NBEAL1: variants seen among roughly 807,000 people sequenced by gnomAD.
NBEAL1 encodes the protein neurobeachin like 1, also known as neurobeachin-like protein 1.
A neutral mutation model predicts 351.3 loss-of-function variants in NBEAL1; 273 were observed. That is an observed-to-expected ratio of 0.78 (90% CI 0.70 to 0.86). NBEAL1 has a LOEUF of 0.86. Ranked by LOEUF, NBEAL1 falls within the 40% of genes least tolerant of loss-of-function variation. NBEAL1 has a pLI of 0.00. For missense variants in NBEAL1, 2,961 were observed against 3,201.3 expected, an observed-to-expected ratio of 0.92 and a Z score of 1.81; for synonymous variants, 1,050 against 1,086.4, an observed-to-expected ratio of 0.97 and a Z score of 0.66.
chr2:203,032,632 C>T (rs2060968101), intron 2 of NBEAL1, among the ~76,000 whole-genome samples: 1 of 147,998 alleles, frequency 6.8e-6, no homozygotes, highest in African/African-American at 2.5e-5. Flanking sequence ...AGAACAAAAA[C>T]CCAAAGAAAG....
At chr2:203,109,918 T>C (rs573385099) in intron 14 of NBEAL1, among the ~76,000 whole-genome samples, 1 of 152,338 alleles carries the variant, frequency 6.6e-6, no homozygotes, top group South Asian at 2.1e-4. Flanking sequence ...TTTTTACTTT[T>C]ACTAGTGGAA....
At chr2:203,116,129 C>G (rs2062691840) in intron 18 of NBEAL1, 59 bp downstream of exon 18, 1 of 1,108,468 alleles carries the variant, frequency 9.0e-7, no homozygotes, top group Non-Finnish European at 1.3e-6. Context: ...ACTGCAGTTC[C>G]TTTTCTATTC....
At position 203,126,561 on chromosome 2, in the gene NBEAL1, C is replaced by A; in HGVS notation, c.2990C>A (p.Pro997Gln). Residue 997 changes from proline (P) to glutamine (Q), a missense_variant, in exon 22 of 56, where the codon CCA becomes CAA. Physicochemically the swap from Pro to Gln is moderately conservative, Grantham distance 76. Coordinates refer to ENST00000683969, the MANE Select transcript of NBEAL1 (RefSeq NM_001378026.1). The part of the protein sequence containing the change: ...ATLGALLQKV[P>Q]STLMDVNVLM... ...CCCTCTTCTGTTTGGTTTCAGGTGC[C>A]AAGCACCTTGATGGATGTTAATGTG... 1 of 1,452,608 alleles carries A rather than the reference C, an allele frequency of 6.9e-7. No individual in the cohort carries two copies. The highest frequency in any genetic ancestry group is 9.1e-7 in the Non-Finnish European group (1 of 1,103,426). The allele number at this position is 1,452,608 out of a possible 1,614,324, so 90.0% of individuals were successfully genotyped here. A position where few individuals can be genotyped will look rare whatever the true frequency, so the allele number is the denominator to read the frequency against.
rs949102365 is a variant in NBEAL1 at position 203,220,492 on chromosome 2, A to C, written c.*3138A>C. Among the ~76,000 whole-genome samples the C allele has an allele frequency of 1.3e-5, 2 of 152,188 alleles. No individual in the cohort carries two copies. ...GGGCAAGACTCCATCTCAAAAAAAA[A>C]AAAAGTCTGTTATCTTTGCAAAACT... On this transcript the variant is annotated 3_prime_UTR_variant, in exon 56 of 56. Coordinates refer to ENST00000683969, the MANE Select transcript of NBEAL1 (RefSeq NM_001378026.1).
At chr2:203,147,900 T>C (rs1346124190) in intron 33 of NBEAL1, among the ~76,000 whole-genome samples, 1 of 152,060 alleles carries the variant, frequency 6.6e-6, no homozygotes, top group Non-Finnish European at 1.5e-5. Context: ...CAGTTTGTAT[T>C]CTCATCAACA....
At chr2:203,036,579 G>A (rs1273607981) in intron 2 of NBEAL1, among the ~76,000 whole-genome samples, 1 of 149,080 alleles carries the variant, frequency 6.7e-6, no homozygotes, top group African/African-American at 2.4e-5. Flanking sequence ...CTTCTTCATT[G>A]GATAGTTGTA....
intron 24 of NBEAL1, among the ~76,000 whole-genome samples, chr2:203,128,148 G>A (rs1232057716): frequency 8.7e-5 from 13 of 150,056 alleles, no homozygotes; most frequent in East Asian, 2.0e-4. Context: ...GCAGTGGCAC[G>A]ATCTCGACTC....
intron 12 of NBEAL1, among the ~76,000 whole-genome samples, chr2:203,102,985 A>C (rs2062358687): frequency 6.6e-6 from 1 of 151,414 alleles, no homozygotes; most frequent in Non-Finnish European, 1.5e-5. Context: ...CAAATTTGGA[A>C]CTCATTATTG....
intron 36 of NBEAL1, among the ~76,000 whole-genome samples, chr2:203,158,449 GATA>G (rs1020828287): frequency 2.6e-5 from 4 of 152,206 alleles, no homozygotes; most frequent in African/African-American, 9.6e-5. Context: ...AGAAGAAACA[GATA>G]ACCTGAAAAG....
chr2:203,025,063 C>G (rs1253409932), intron 2 of NBEAL1, among the ~76,000 whole-genome samples: 5 of 152,144 alleles, frequency 3.3e-5, no homozygotes, highest in African/African-American at 1.2e-4. Flanking sequence ...TTGTACTAAC[C>G]TGGCCAAGGA....
At chr2:203,107,285 A>G in intron 12 of NBEAL1, 135 bp from the exon 13 acceptor site, 1 of 489,360 alleles carries the variant, frequency 2.0e-6, no homozygotes, top group African/African-American at 1.9e-5. Context: ...AAGAAGGCAA[A>G]TAGTGAATTC....
Position 203,083,427 on chromosome 2 carries a change from A to G in NBEAL1, c.893A>G (p.Tyr298Cys), listed in dbSNP as rs1462174099. 7 of 1,554,176 alleles carry G rather than the reference A, an allele frequency of 4.5e-6. No homozygotes were observed. The highest frequency in any genetic ancestry group is 1.4e-5 in the African/African-American group (1 of 73,620). ...QVETSTILEN[Y>C]FKLLNSDHSA... ...GAAACCAGTACTATTCTGGAGAACT[A>G]TTTTAAATTGCTAAATTCAGATCAT... The change falls in exon 9 of 56, where the codon TAT becomes TGT. Residue 298 changes from tyrosine (Y) to cysteine (C), a missense_variant. Coordinates refer to ENST00000683969, the MANE Select transcript of NBEAL1 (RefSeq NM_001378026.1).
chr2:203,125,635 C>A, intron 20 of NBEAL1, 115 bp downstream of exon 20: 1 of 985,186 alleles, frequency 1.0e-6, no homozygotes, highest in Non-Finnish European at 1.4e-6. Flanking sequence ...GTAGCTGTAG[C>A]AGTTGTTTCT....
chr2:203,192,112 T>C (rs1174669046), intron 46 of NBEAL1, among the ~76,000 whole-genome samples: 2 of 152,230 alleles, frequency 1.3e-5, no homozygotes, highest in Non-Finnish European at 2.9e-5. Context: ...TTAGCAACAG[T>C]TTGCTCGGAA....
Position 203,201,715 on chromosome 2 carries a change from G to A in NBEAL1, c.7411G>A (p.Asp2471Asn), listed in dbSNP as rs1250780777. ...KIISHIIRHM[D>N]IVTCLATDYC... ...TATCTCACACATCATCCGGCATATG[G>A]GTAAGCATTAGCTTTTTTTCCAAAA... Residue 2471 changes from aspartate to asparagine, a missense_variant and splice_region_variant, in exon 50 of 56, where the codon GAT becomes AAT. Coordinates refer to ENST00000683969, the MANE Select transcript of NBEAL1 (RefSeq NM_001378026.1). The A allele has an allele frequency of 2.5e-6, 4 of 1,569,566 alleles. No homozygotes were observed. The highest frequency in any genetic ancestry group is 3.5e-6 in the Non-Finnish European group (4 of 1,157,156).
chr2:203,084,563 C>T lies in NBEAL1; in HGVS notation c.1092C>T (p.Asn364=). 1 of 1,491,700 alleles carries T rather than the reference C, an allele frequency of 6.7e-7. No homozygotes were observed. Among genetic ancestry groups the T allele is most frequent in the Non-Finnish European group, 8.9e-7 (1 of 1,117,936 alleles). 92.4% of individuals were successfully genotyped at this position (1,491,700 alleles called of 1,614,324 possible). A position where few individuals can be genotyped will look rare whatever the true frequency, so the allele number is the denominator to read the frequency against. Residue 364 remains asparagine (N), a synonymous_variant, in exon 10 of 56, where the codon AAC becomes AAT. Transcript: ENST00000683969. ...CFEHLIRLLQ[N]CKLFLNANNK... The stretch of plus-strand genomic sequence containing the variant: ...AACATCTCATACGACTGCTACAGAA[C>T]TGCAAGGTATTTTTCTATTATTGTT...
chr2:203,090,715 C>A (rs1001600486), intron 10 of NBEAL1, among the ~76,000 whole-genome samples: 3 of 151,918 alleles, frequency 2.0e-5, no homozygotes, highest in African/African-American at 7.3e-5. Context: ...ATGGAAACCC[C>A]GTCTCTACTA....
At chr2:203,020,217 A>G (rs2060745788) in intron 2 of NBEAL1, among the ~76,000 whole-genome samples, 2 of 152,304 alleles carry the variant, frequency 1.3e-5, no homozygotes, top group South Asian at 2.1e-4. Flanking sequence ...CCTTCTAGGA[A>G]TAGGCTTTAA....
Position 203,126,537 on chromosome 2 carries a change from C to G in NBEAL1, c.2986-20C>G. 2.8e-6 allele frequency: 4 copies of G among 1,423,082 alleles called. No homozygotes were observed. The highest frequency in any genetic ancestry group is 1.5e-5 in the African/African-American group (1 of 68,732). The allele number at this position is 1,423,082 out of a possible 1,614,324, so 88.2% of individuals were successfully genotyped here. Reference sequence around the variant, plus strand: ...TTATTTAAACTGAACTATATGAAACCCTCTTCTGTTTGGTTTCAGGTGCCA... The same window carrying G: ...TTATTTAAACTGAACTATATGAAACGCTCTTCTGTTTGGTTTCAGGTGCCA... On this transcript the variant is annotated intron_variant, in intron 21 of 55. Transcript: ENST00000683969.
Sources: gnomAD v4.1 joint callset for allele counts (sites outside exome capture counted in the v4.1 genomes callset) on GRCh38, gnomAD v4.1.1 for gene constraint, MANE v1.5 for transcripts, NCBI Gene and HGNC (gene_info 2026-07-23, HGNC 2026-07-21) for gene names.